Variants in CTTNBP2 observed in about 807,000 individuals in gnomAD.
CTTNBP2 encodes the protein cortactin binding protein 2.
In CTTNBP2, 108 loss-of-function variants were observed where a neutral mutation model predicts 156.9. That is an observed-to-expected ratio of 0.69 (90% CI 0.59 to 0.81). The LOEUF (loss-of-function observed/expected upper bound fraction) is 0.81. CTTNBP2 is among the 30% of genes least tolerant of loss of function. CTTNBP2 has a pLI of 0.00. For synonymous variants in CTTNBP2, 767 were observed against 751.8 expected (o/e 1.02, Z -0.33); for missense variants, 1,924 against 2,035.4 (o/e 0.95, Z 1.05).
At chr7:117,755,328 G>T in intron 12 of CTTNBP2, 1 of 275,468 alleles carries the variant, frequency 3.6e-6, no homozygotes, top group Non-Finnish European at 7.1e-6. Context: ...TTCATAAGGC[G>T]TGAAAACAAA....
chr7:117,735,473 C>T, intron 14 of CTTNBP2, 52 bp from the exon 15 acceptor site: 1 of 1,497,538 alleles, frequency 6.7e-7, no homozygotes, highest in Non-Finnish European at 9.1e-7. Flanking sequence ...AAAATTTATA[C>T]AAATTGGCAA....
chr7:117,838,967 C>CGGGGGG (rs67694603), intron 2 of CTTNBP2, among the ~76,000 whole-genome samples: 12 of 94,916 alleles, frequency 1.3e-4, no homozygotes, highest in African/African-American at 4.9e-4. Context: ...ATTGCGGGGG[C>CGGGGGG]GGGGGGGGGG....
In CTTNBP2 at chr7:117,749,752, A is replaced by G. The variant is rs570725938; in HGVS notation, c.3349-3653T>C. Among the ~76,000 whole-genome samples the G allele has an allele frequency of 3.9e-5, 6 of 152,148 alleles. No homozygotes were observed. The South Asian group carries it at 1.2e-3, about 32-fold the overall frequency. On this transcript the variant is annotated intron_variant, in intron 12 of 22. Transcript: ENST00000160373. ...AGGAAGATGGTAGAGGAAGGATGAT[A>G]ATATTTCCTACCTAATTTCAGGTAG...
intron 1 of CTTNBP2, among the ~76,000 whole-genome samples, chr7:117,868,813 T>C (rs1381223877): frequency 1.3e-5 from 2 of 152,182 alleles, no homozygotes; most frequent in East Asian, 1.9e-4. Flanking sequence ...GTAAATGAAG[T>C]TGGGGGATAC....
intron 14 of CTTNBP2, among the ~76,000 whole-genome samples, chr7:117,744,665 T>G (rs544941482): frequency 1.3e-5 from 2 of 152,240 alleles, no homozygotes; most frequent in East Asian, 3.9e-4. Flanking sequence ...GCAGGCAGAT[T>G]GTTTGAGCTC....
At chr7:117,784,146 G>A in intron 5 of CTTNBP2, 105 bp downstream of exon 5, 1 of 863,540 alleles carries the variant, frequency 1.2e-6, no homozygotes, top group Non-Finnish European at 1.7e-6. Flanking sequence ...ACCTGTAAAA[G>A]AAAAATAAAA....
intron 1 of CTTNBP2, among the ~76,000 whole-genome samples, chr7:117,864,185 T>C (rs1803957065): frequency 6.6e-6 from 1 of 152,098 alleles, no homozygotes; most frequent in African/African-American, 2.4e-5. Context: ...TTACCATCAA[T>C]AAAGAGGGAA....
At chr7:117,752,409 TA>T (rs1384094445) in intron 12 of CTTNBP2, among the ~76,000 whole-genome samples, 1 of 152,192 alleles carries the variant, frequency 6.6e-6, no homozygotes, top group Non-Finnish European at 1.5e-5. Context: ...ATGTTTAAGT[TA>T]ATGCAAAAAA....
intron 2 of CTTNBP2, among the ~76,000 whole-genome samples, chr7:117,825,551 T>C (rs1454917685): frequency 2.0e-5 from 3 of 152,206 alleles, no homozygotes; most frequent in Non-Finnish European, 2.9e-5. Flanking sequence ...AGACATTAAA[T>C]CTAGCAGGCA....
At chr7:117,775,820 T>G (rs1798065606) in intron 8 of CTTNBP2, among the ~76,000 whole-genome samples, 1 of 152,240 alleles carries the variant, frequency 6.6e-6, no homozygotes, top group Non-Finnish European at 1.5e-5. Context: ...CAAATATTAT[T>G]GCATTCCATT....
At chr7:117,726,081 A>G (rs1795080540) in intron 17 of CTTNBP2, among the ~76,000 whole-genome samples, 1 of 152,232 alleles carries the variant, frequency 6.6e-6, no homozygotes, top group African/African-American at 2.4e-5. Flanking sequence ...ATGGGGGTCA[A>G]TCAGCTATCA....
At chr7:117,823,847 C>T (rs546421415) in intron 2 of CTTNBP2, among the ~76,000 whole-genome samples, 2 of 152,060 alleles carry the variant, frequency 1.3e-5, no homozygotes, top group Non-Finnish European at 2.9e-5. Context: ...CACAGCACCA[C>T]TACTGGCTAA....
intron 12 of CTTNBP2, among the ~76,000 whole-genome samples, chr7:117,754,829 T>C (rs965470670): frequency 6.6e-6 from 1 of 152,242 alleles, no homozygotes; most frequent in African/African-American, 2.4e-5. Flanking sequence ...AGCAGACACA[T>C]ATATAAGTGT....
At chr7:117,822,559 G>GCA (rs1801029501) in intron 2 of CTTNBP2, among the ~76,000 whole-genome samples, 1 of 151,978 alleles carries the variant, frequency 6.6e-6, no homozygotes, top group Non-Finnish European at 1.5e-5. Context: ...CAAATGTTTT[G>GCA]ACGTGTATAT....
chr7:117,847,737 C>T (rs1347773148), intron 2 of CTTNBP2, among the ~76,000 whole-genome samples: 1 of 151,532 alleles, frequency 6.6e-6, no homozygotes, highest in African/African-American at 2.4e-5. Flanking sequence ...TGACATCAAC[C>T]CTCATTTTAT....
intron 16 of CTTNBP2, among the ~76,000 whole-genome samples, chr7:117,732,257 T>C (rs891389794): frequency 1.3e-5 from 2 of 152,130 alleles, no homozygotes; most frequent in Non-Finnish European, 2.9e-5. Flanking sequence ...AGTAATTCTT[T>C]TTAGAATTAT....
intron 9 of CTTNBP2, among the ~76,000 whole-genome samples, chr7:117,765,404 G>A (rs531447660): frequency 5.9e-5 from 9 of 152,194 alleles, no homozygotes; most frequent in African/African-American, 9.6e-5. Context: ...TCAGGTATAC[G>A]AATAATTACT....
rs181594925 is a variant in CTTNBP2, at chr7:117,773,158, T to C, written c.2778+4353A>G. On this transcript the variant is annotated intron_variant, in intron 8 of 22. Transcript: ENST00000160373. ...CAGGCACCTAATCTAATGTTCTCTC[T>C]TCTGAACTAGCTACCCAACTCCATG... 1.7e-4 allele frequency among the ~76,000 whole-genome samples: 26 copies of C among 152,354 alleles called. 1 individual carries two copies. The East Asian group carries it at 4.8e-3, about 28-fold the overall frequency.
intron 12 of CTTNBP2, chr7:117,755,531 G>A: frequency 2.1e-6 from 1 of 470,314 alleles, no homozygotes; most frequent in Admixed American, 2.4e-5. Flanking sequence ...CTTGCTAGAT[G>A]CATGACTTTG....
Sources: gnomAD v4.1 joint callset for allele counts (sites outside exome capture counted in the v4.1 genomes callset) on GRCh38, gnomAD v4.1.1 for gene constraint, MANE v1.5 for transcripts, NCBI Gene and HGNC (gene_info 2026-07-23, HGNC 2026-07-21) for gene names.